KCTD3: variants seen among roughly 807,000 people sequenced by gnomAD.
KCTD3 encodes potassium channel tetramerization domain containing 3, also known as BTB/POZ domain-containing protein KCTD3.
A neutral mutation model predicts 85.8 loss-of-function variants in KCTD3; 41 were observed. The observed-to-expected ratio is 0.48, with a 90% CI of 0.37 to 0.62. The LOEUF (loss-of-function observed/expected upper bound fraction) is 0.62. Among genes scored for constraint, KCTD3 ranks in the 20% least tolerant of loss-of-function variants. The probability of loss-of-function intolerance (pLI) is 0.00; values close to 1 mark genes in which losing one functional copy is unlikely to be tolerated. For missense variants in KCTD3, 724 were observed against 989.9 expected (o/e 0.73, Z 3.60); for synonymous variants, 338 against 345.4 (o/e 0.98, Z 0.24).
At position 215,595,350 on chromosome 1, in the gene KCTD3, T is replaced by G; in HGVS notation, c.818-6T>G. On this transcript the variant is annotated splice_region_variant and splice_polypyrimidine_tract_variant and intron_variant, in intron 9 of 17. Coordinates refer to ENST00000259154, the MANE Select transcript of KCTD3 (RefSeq NM_016121.5). ...TTAACCTTTTTATTTTTTATTGTCA[T>G]TTAAGGAGTGTTCAGCCTGGGTGTT... The G allele has an allele frequency of 6.5e-7, 1 of 1,550,138 alleles. No individual in the cohort carries two copies. The highest frequency in any genetic ancestry group is 8.9e-7 in the Non-Finnish European group (1 of 1,122,340).
At chr1:215,604,109 T>A (rs201940638) in intron 12 of KCTD3, 23 bp from the exon 13 acceptor site, 203 of 1,577,220 alleles carry the variant, frequency 1.3e-4, no homozygotes, top group Middle Eastern at 1.7e-4. Context: ...ATGTATCACC[T>A]GTCAACTCTT....
Position 215,567,643 on chromosome 1 carries a change from G to A in KCTD3, c.-43G>A. ...CTACAGCCCCGGGCTCGGCGGTCCC[G>A]GCTGGGGAAGGAGGGCGGCGAGCGC... On this transcript the variant is annotated 5_prime_UTR_variant, in exon 1 of 18. Transcript: ENST00000259154. 8.5e-7 allele frequency: 1 copy of A among 1,177,534 alleles called. No individual in the cohort carries two copies. The highest frequency in any genetic ancestry group is 1.1e-6 in the Non-Finnish European group (1 of 945,188). The allele number at this position is 1,177,534 out of a possible 1,614,324, so 72.9% of individuals were successfully genotyped here.
intron 10 of KCTD3, among the ~76,000 whole-genome samples, chr1:215,597,500 C>T (rs1654645227): frequency 6.6e-6 from 1 of 152,112 alleles, no homozygotes; most frequent in African/African-American, 2.4e-5. Flanking sequence ...TGGAAGTTGG[C>T]TCTAGAAAGG....
intron 13 of KCTD3, among the ~76,000 whole-genome samples, chr1:215,606,589 A>G (rs1655030764): frequency 6.6e-6 from 1 of 152,068 alleles, no homozygotes; most frequent in Admixed American, 6.6e-5. Flanking sequence ...AATAATTGCT[A>G]TTATTTTGGT....
chr1:215,583,601 A>G (rs1204447564), intron 8 of KCTD3, among the ~76,000 whole-genome samples: 2 of 152,168 alleles, frequency 1.3e-5, no homozygotes, highest in African/African-American at 4.8e-5. Context: ...AATGCAGCCC[A>G]GCAGGTCTCA....
intron 6 of KCTD3, among the ~76,000 whole-genome samples, chr1:215,578,508 C>T (rs375259128): frequency 3.9e-5 from 6 of 152,304 alleles, no homozygotes; most frequent in African/African-American, 1.2e-4. Context: ...AGAGATAAGT[C>T]AGTGTCACCT....
chr1:215,574,361 T>C (rs757671413), intron 3 of KCTD3, among the ~76,000 whole-genome samples: 69 of 152,172 alleles, frequency 4.5e-4, no homozygotes, highest in Admixed American at 1.3e-3. Context: ...TGAGCTTACA[T>C]TGGCATTAGA....
intron 14 of KCTD3, among the ~76,000 whole-genome samples, chr1:215,611,247 T>A (rs1571898661): frequency 6.6e-6 from 1 of 152,046 alleles, no homozygotes; most frequent in African/African-American, 2.4e-5. Flanking sequence ...CATTTTATAC[T>A]GTACTTTAAT....
intron 15 of KCTD3, among the ~76,000 whole-genome samples, chr1:215,617,638 C>T (rs1655503756): frequency 1.3e-5 from 2 of 151,742 alleles, no homozygotes; most frequent in African/African-American, 2.4e-5. Flanking sequence ...TAGCTGACCT[C>T]TCTCTTCCTA....
At chr1:215,607,054 A>G (rs1036504446) in intron 13 of KCTD3, among the ~76,000 whole-genome samples, 4 of 151,950 alleles carry the variant, frequency 2.6e-5, no homozygotes, top group Non-Finnish European at 5.9e-5. Context: ...TAAGAATAGA[A>G]AGTACACAGA....
At position 215,604,201 on chromosome 1, in the gene KCTD3, AC is replaced by A; in HGVS notation, c.1211del (p.Pro404GlnfsTer21). On this transcript the variant is annotated frameshift_variant, in exon 13 of 18. Coordinates refer to ENST00000259154, the MANE Select transcript of KCTD3 (RefSeq NM_016121.5). LOFTEE classifies it high-confidence loss of function. ...SSGAVRVIVQHPETVGSGPQL... is the reference protein window; with the variant it reads ...SSGAVRVIVQXPETVGSGPQL... ...GGAGCAGTACGAGTGATTGTACAAC[AC>A]CCAGAGACAGTTGGGTCAGGTCCTC... 1 of 1,613,776 alleles carries A rather than the reference AC, an allele frequency of 6.2e-7. No individual in the cohort carries two copies. The highest frequency in any genetic ancestry group is 1.1e-5 in the South Asian group (1 of 91,054).
intron 15 of KCTD3, among the ~76,000 whole-genome samples, chr1:215,614,201 T>G (rs1242506264): frequency 6.6e-6 from 1 of 151,778 alleles, no homozygotes; most frequent in African/African-American, 2.4e-5. Flanking sequence ...CTGGCTAATT[T>G]TTTGCATCTT....
At chr1:215,574,482 T>A (rs1378690632) in intron 3 of KCTD3, among the ~76,000 whole-genome samples, 2 of 152,100 alleles carry the variant, frequency 1.3e-5, no homozygotes, top group Non-Finnish European at 2.9e-5. Flanking sequence ...ACTCCTACAG[T>A]TTTTTATTTT....
intron 15 of KCTD3, chr1:215,618,168 T>C (rs1655527167): frequency 2.2e-6 from 1 of 462,838 alleles, no homozygotes; most frequent in Admixed American, 2.4e-5. Context: ...AACTTTCACT[T>C]TCCTTAGAGT....
intron 1 of KCTD3, among the ~76,000 whole-genome samples, chr1:215,570,995 G>T (rs1016364087): frequency 6.6e-6 from 1 of 152,090 alleles, no homozygotes; most frequent in African/African-American, 2.4e-5. Flanking sequence ...GGGGATGAGG[G>T]TCTAATTCCT....
intron 9 of KCTD3, among the ~76,000 whole-genome samples, chr1:215,588,062 A>T (rs1348425997): frequency 6.6e-6 from 1 of 152,184 alleles, no homozygotes; most frequent in East Asian, 1.9e-4. Context: ...TGAAACGTTG[A>T]ATTTTTATCA....
At chr1:215,598,027 C>A (rs927635080) in intron 10 of KCTD3, among the ~76,000 whole-genome samples, 1 of 151,688 alleles carries the variant, frequency 6.6e-6, no homozygotes, top group Non-Finnish European at 1.5e-5. Flanking sequence ...ATACTAGATA[C>A]AAATATTGAA....
rs140328949 is a variant in KCTD3 at position 215,606,991 on chromosome 1, T to C, written c.1310-1026T>C. On this transcript the variant is annotated intron_variant, in intron 13 of 17. Coordinates refer to ENST00000259154, the MANE Select transcript of KCTD3 (RefSeq NM_016121.5). The stretch of plus-strand genomic sequence containing the variant: ...TGAAACTAAATAGCCTAGAACAAAA[T>C]GTCCCCTTTTCACCAGAAAACTGAC... 4.0e-3 allele frequency among the ~76,000 whole-genome samples: 603 copies of C among 151,992 alleles called. 1 individual carries two copies. Among genetic ancestry groups the C allele is most frequent in the Non-Finnish European group, 5.1e-3 (343 of 67,824 alleles).
chr1:215,576,007 T>A (rs768176131), intron 4 of KCTD3, 33 bp downstream of exon 4: 17 of 1,036,062 alleles, frequency 1.6e-5, no homozygotes, highest in Middle Eastern at 2.1e-4. Flanking sequence ...AGTAAATTCT[T>A]ACTGATAAAT....
Sources: gnomAD v4.1 joint callset for allele counts (sites outside exome capture counted in the v4.1 genomes callset) on GRCh38, gnomAD v4.1.1 for gene constraint, MANE v1.5 for transcripts, NCBI Gene and HGNC (gene_info 2026-07-23, HGNC 2026-07-21) for gene names.